Variants in EHF observed in about 807,000 individuals in gnomAD.
EHF encodes the protein ESE3 transcription factor.
In EHF, 14 loss-of-function variants were observed where a neutral mutation model predicts 45.1. The observed-to-expected ratio is 0.31, with a 90% CI of 0.21 to 0.49. The LOEUF (loss-of-function observed/expected upper bound fraction) is 0.49. EHF is among the 20% of genes least tolerant of loss of function. EHF has a pLI of 0.99. For missense variants in EHF, 282 were observed against 371.4 expected (o/e 0.76, Z 1.98); for synonymous variants, 136 against 131.8 (o/e 1.03, Z -0.22).
chr11:34,657,251 G>A (rs776170788), intron 7 of EHF, among the ~76,000 whole-genome samples: 1 of 1,646 alleles, frequency 6.1e-4, no homozygotes, highest in Non-Finnish European at 1.4e-3. Context: ...GCAGGCATGG[G>A]GTTGGCAATT....
At chr11:34,634,339 C>T (rs918766798) in intron 1 of EHF, among the ~76,000 whole-genome samples, 7 of 152,192 alleles carry the variant, frequency 4.6e-5, no homozygotes, top group Non-Finnish European at 1.0e-4. Context: ...GTGTGGGTAT[C>T]GCTGTCATCA....
At chr11:34,647,253 G>A (rs991199892) in intron 3 of EHF, among the ~76,000 whole-genome samples, 1 of 152,194 alleles carries the variant, frequency 6.6e-6, no homozygotes, top group Non-Finnish European at 1.5e-5. Flanking sequence ...TAAAAAAAGG[G>A]TTAGAACATA....
intron 1 of EHF, among the ~76,000 whole-genome samples, chr11:34,621,554 G>T (rs1233372119): frequency 1.3e-5 from 2 of 152,202 alleles, no homozygotes; most frequent in African/African-American, 4.8e-5. Flanking sequence ...GAACAAATAG[G>T]CAGCTAGAGA....
intron 7 of EHF, among the ~76,000 whole-genome samples, chr11:34,657,899 G>A (rs761774816): frequency 1.3e-5 from 2 of 151,724 alleles, no homozygotes; most frequent in African/African-American, 2.4e-5. Context: ...CGAAAGGTGG[G>A]TGGGGTGGGG....
At chr11:34,649,219 G>C (rs767451287) in intron 4 of EHF, 138 bp downstream of exon 4, 18 of 789,066 alleles carry the variant, frequency 2.3e-5, no homozygotes, top group Non-Finnish European at 3.3e-5. Flanking sequence ...TGTCTCTGAT[G>C]GGCCACCCCC....
intron 1 of EHF, among the ~76,000 whole-genome samples, chr11:34,623,172 G>A (rs924977882): frequency 3.3e-5 from 5 of 151,952 alleles, no homozygotes; most frequent in South Asian, 4.2e-4. Context: ...TGCAACCTCC[G>A]CCTCCCAGGT....
At chr11:34,653,150 ATCCTTCCATCCTTCCATCCTTCC>A (rs1855351518) in intron 6 of EHF, among the ~76,000 whole-genome samples, 1 of 2,730 alleles carries the variant, frequency 3.7e-4, no homozygotes, top group Non-Finnish European at 0.014. Context: ...ACATCCTTCC[ATCCTTCCATCCTTCCATCCTTCC>A]ATCCTTCCAT....
At position 34,637,899 on chromosome 11, in the gene EHF, CT is replaced by C. The variant is rs11415150; in HGVS notation, c.-3-4716del. Among the ~76,000 whole-genome samples, 468 of 145,816 alleles carry C rather than the reference CT, an allele frequency of 3.2e-3. 1 individual carries two copies. The highest frequency in any genetic ancestry group is 7.9e-3 in the African/African-American group (312 of 39,664). On this transcript the variant is annotated intron_variant, in intron 1 of 8. Transcript: ENST00000257831. ...GGATAATCTACATTTCATTTCACTC[CT>C]TTTTTTTTTTTTCCTTTTTGAGTCA...
intron 1 of EHF, among the ~76,000 whole-genome samples, chr11:34,635,419 A>G (rs573700713): frequency 1.5e-5 from 2 of 134,048 alleles, no homozygotes; most frequent in South Asian, 5.0e-4. Context: ...TTCTGTCCCT[A>G]TTAGCCCTAG....
chr11:34,649,823 A>C (rs548281115), intron 4 of EHF, among the ~76,000 whole-genome samples: 1 of 152,180 alleles, frequency 6.6e-6, no homozygotes, highest in Non-Finnish European at 1.5e-5. Flanking sequence ...GGGCCAACCA[A>C]GCTTTCCATA....
intron 1 of EHF, among the ~76,000 whole-genome samples, chr11:34,640,365 G>C (rs963986981): frequency 6.6e-6 from 1 of 152,230 alleles, no homozygotes; most frequent in African/African-American, 2.4e-5. Flanking sequence ...GAATTTGAGA[G>C]AAGCCTTTCC....
intron 1 of EHF, among the ~76,000 whole-genome samples, chr11:34,628,207 T>A (rs1590408629): frequency 6.6e-6 from 1 of 152,066 alleles, no homozygotes; most frequent in South Asian, 2.1e-4. Context: ...CACTGCACTC[T>A]AGCCTGAGCA....
rs968237961 is a variant in EHF at position 34,662,240 on chromosome 11, G to T, written c.*3309G>T. Reference sequence around the variant, plus strand: ...ATTGGGAGACCATATCTATAATTGGGATGTGAATCATTTCTTCAGTGGAAT... The same window carrying T: ...ATTGGGAGACCATATCTATAATTGGTATGTGAATCATTTCTTCAGTGGAAT... On this transcript the variant is annotated 3_prime_UTR_variant, in exon 9 of 9. Coordinates refer to ENST00000257831, the MANE Select transcript of EHF (RefSeq NM_012153.6). Among the ~76,000 whole-genome samples the T allele has an allele frequency of 6.6e-6, 1 of 152,100 alleles. No homozygotes were observed. Among genetic ancestry groups the T allele is most frequent in the Non-Finnish European group, 1.5e-5 (1 of 68,002 alleles).
intron 1 of EHF, among the ~76,000 whole-genome samples, chr11:34,641,012 G>A (rs1159235814): frequency 2.0e-5 from 3 of 152,154 alleles, no homozygotes; most frequent in African/African-American, 7.2e-5. Flanking sequence ...ACTTGTCTGG[G>A]TGAGTACTAA....
rs755733017 is a variant in EHF at position 34,661,120 on chromosome 11, G to A, written c.*2189G>A. ...AGACATTCCTGCAGAAAAGACATAT[G>A]TTGCTTTACAAGAAGGCCAAAGAAC... On this transcript the variant is annotated 3_prime_UTR_variant, in exon 9 of 9. Coordinates refer to ENST00000257831, the MANE Select transcript of EHF (RefSeq NM_012153.6). 4.6e-5 allele frequency: 7 copies of A among 152,184 alleles called. No individual in the cohort carries two copies. Among genetic ancestry groups the A allele is most frequent in the Non-Finnish European group, 5.9e-5 (4 of 68,014 alleles). 9.4% of individuals were successfully genotyped at this position (152,184 alleles called of 1,614,324 possible).
intron 1 of EHF, among the ~76,000 whole-genome samples, chr11:34,626,106 A>G (rs528728967): frequency 2.6e-5 from 4 of 152,288 alleles, no homozygotes; most frequent in African/African-American, 7.2e-5. Context: ...CCTTGTCTCA[A>G]TGTCCTTTTT....
At chr11:34,647,748 C>T (rs946567966) in intron 3 of EHF, among the ~76,000 whole-genome samples, 3 of 152,218 alleles carry the variant, frequency 2.0e-5, no homozygotes, top group East Asian at 1.9e-4. Flanking sequence ...CTTGTGGCTG[C>T]GGTGGCCATT....
chr11:34,651,839 C>T (rs201628174), intron 6 of EHF, 34 bp downstream of exon 6: 1 of 1,594,212 alleles, frequency 6.3e-7, no homozygotes, highest in South Asian at 1.1e-5. Context: ...CTGGGTATGC[C>T]TAATGCTTAG....
rs183311308 is a variant in EHF, at chr11:34,629,682, C to T, written c.-4+8454C>T. 3.7e-4 allele frequency among the ~76,000 whole-genome samples: 57 copies of T among 152,218 alleles called. 1 individual carries two copies. Among genetic ancestry groups the T allele is most frequent in the Admixed American group, 2.2e-3 (33 of 15,296 alleles). ...GGTGGAAGAGGGGAAGACTTTTCCT[C>T]GATTTCTTTGCCTGAGGGATGGAAT... On this transcript the variant is annotated intron_variant, in intron 1 of 8. Transcript: ENST00000257831.
Sources: gnomAD v4.1 joint callset for allele counts (sites outside exome capture counted in the v4.1 genomes callset) on GRCh38, gnomAD v4.1.1 for gene constraint, MANE v1.5 for transcripts, NCBI Gene and HGNC (gene_info 2026-07-23, HGNC 2026-07-21) for gene names.